Variants in PCDH11X observed in about 807,000 individuals in gnomAD.
PCDH11X encodes the protein protocadherin-11 X-linked.
In PCDH11X, 18 loss-of-function variants were observed where a neutral mutation model predicts 53.3. The ratio of observed to expected loss-of-function variants is 0.34; its 90% CI spans 0.23 to 0.50. The LOEUF (loss-of-function observed/expected upper bound fraction) is 0.50. PCDH11X is among the 20% of genes least tolerant of loss of function. The probability of loss-of-function intolerance (pLI) is 0.98; values close to 1 mark genes in which losing one functional copy is unlikely to be tolerated. For missense variants in PCDH11X, 570 were observed against 1,032.4 expected (o/e 0.55, Z 6.14); for synonymous variants, 279 against 393.3 (o/e 0.71, Z 3.44).
At chrX:91,924,078 A>C (rs2147824929) in intron 6 of PCDH11X, among the ~76,000 whole-genome samples, 1 of 110,017 alleles carries the variant, frequency 9.1e-6, no homozygotes, top group South Asian at 4.0e-4. Context: ...TAAAAAGAAT[A>C]ATTGCCTGCC....
intron 8 of PCDH11X, among the ~76,000 whole-genome samples, chrX:92,325,930 G>A (rs1307132232): frequency 2.3e-4 from 26 of 111,972 alleles, no homozygotes; most frequent in Non-Finnish European, 4.3e-4. Flanking sequence ...AATAATTGAT[G>A]TTACCTGCCA....
At chrX:91,857,465 A>G (rs1203779074) in intron 5 of PCDH11X, among the ~76,000 whole-genome samples, 12 of 111,472 alleles carry the variant, frequency 1.1e-4, no homozygotes, top group Non-Finnish European at 2.1e-4. Context: ...ACTTATTTCA[A>G]CATTAACTCA....
At position 91,956,657 on chromosome X, in the gene PCDH11X, C is replaced by T. The variant is rs541797916; in HGVS notation, c.3033+77384C>T. 1.2e-3 allele frequency among the ~76,000 whole-genome samples: 128 copies of T among 109,729 alleles called. 3 individuals carry two copies. The South Asian group carries it at 0.052, about 45-fold the overall frequency. On this transcript the variant is annotated intron_variant, in intron 6 of 10. Coordinates refer to ENST00000682573, the MANE Select transcript of PCDH11X (RefSeq NM_032968.5). ...TGATGGGTTTCCCTTTGTCAGTAAC[C>T]TGGCCTTTCTCTCTAGCTGCCCTTT...
intron 6 of PCDH11X, among the ~76,000 whole-genome samples, chrX:92,024,376 A>G (rs1287458583): frequency 3.6e-5 from 4 of 110,865 alleles, no homozygotes; most frequent in Non-Finnish European, 5.7e-5. Flanking sequence ...GACAACAGAC[A>G]AGCAGAGAGC....
chrX:92,359,005 C>T (rs951812385), intron 8 of PCDH11X, among the ~76,000 whole-genome samples: 8 of 108,912 alleles, frequency 7.3e-5, no homozygotes, highest in Non-Finnish European at 1.1e-4. Flanking sequence ...CTATAGTGTA[C>T]ATTTTCCCTG....
intron 6 of PCDH11X, among the ~76,000 whole-genome samples, chrX:91,932,020 C>T (rs946640791): frequency 3.6e-5 from 4 of 110,765 alleles, no homozygotes; most frequent in African/African-American, 9.9e-5. Flanking sequence ...TGTTGTTCCC[C>T]GCTCCATGTA....
chrX:92,443,125 G>A (rs1293020688), intron 9 of PCDH11X, among the ~76,000 whole-genome samples: 1 of 108,180 alleles, frequency 9.2e-6, no homozygotes, highest in Non-Finnish European at 1.9e-5. Flanking sequence ...TTGTGAGATA[G>A]AGATAGTATC....
At chrX:91,916,731 G>A (rs1490344510) in intron 6 of PCDH11X, among the ~76,000 whole-genome samples, 14 of 109,703 alleles carry the variant, frequency 1.3e-4, no homozygotes, top group South Asian at 3.9e-4. Context: ...GAATCCTATC[G>A]GACATTCAAA....
At position 92,523,716 on chromosome X, in the gene PCDH11X, C is replaced by A. The variant is rs754934179; in HGVS notation, c.3367+55394C>A. On this transcript the variant is annotated intron_variant, in intron 10 of 10. Coordinates refer to ENST00000682573, the MANE Select transcript of PCDH11X (RefSeq NM_032968.5). ...CACTTATCTTTTCTTTTAAAGACTT[C>A]CAGAGATAGAGGTTTTGCAGCAGTG... 6.3e-5 allele frequency among the ~76,000 whole-genome samples: 7 copies of A among 111,618 alleles called. No homozygotes were observed. In the East Asian group the frequency reaches 2.0e-3, roughly 32 times the overall value.
At chrX:92,303,564 A>T in intron 8 of PCDH11X, among the ~76,000 whole-genome samples, 1 of 111,333 alleles carries the variant, frequency 9.0e-6, no homozygotes, top group Non-Finnish European at 1.9e-5. Context: ...ATCTGACAAA[A>T]AACTGCTTAT....
chrX:91,895,246 G>A (rs1016344511), intron 6 of PCDH11X, among the ~76,000 whole-genome samples: 1 of 111,512 alleles, frequency 9.0e-6, no homozygotes, highest in African/African-American at 3.3e-5. Context: ...ACTGTGTGGA[G>A]AGTAAAGTTT....
At chrX:91,998,167 CAA>C (rs1164664565) in intron 6 of PCDH11X, among the ~76,000 whole-genome samples, 1 of 110,127 alleles carries the variant, frequency 9.1e-6, no homozygotes, top group Non-Finnish European at 1.9e-5. Context: ...CTCCTGACCT[CAA>C]GTGATCTGCC....
At chrX:92,107,349 C>T (rs2064406441) in intron 6 of PCDH11X, among the ~76,000 whole-genome samples, 2 of 112,157 alleles carry the variant, frequency 1.8e-5, no homozygotes, top group African/African-American at 6.5e-5. Context: ...CTGATTGAGA[C>T]CTGTTTCAGA....
intron 6 of PCDH11X, among the ~76,000 whole-genome samples, chrX:92,070,842 C>T (rs2063690527): frequency 9.0e-6 from 1 of 111,335 alleles, no homozygotes; most frequent in African/African-American, 3.3e-5. Flanking sequence ...CTCTGTTGCC[C>T]AGGCTGGAGT....
intron 10 of PCDH11X, among the ~76,000 whole-genome samples, chrX:92,536,388 A>G (rs1262326303): frequency 9.0e-6 from 1 of 110,508 alleles, no homozygotes; most frequent in African/African-American, 3.3e-5. Flanking sequence ...TTTAAATTCT[A>G]TTTCTGCCAT....
Position 92,212,601 on chromosome X carries a change from C to T in PCDH11X, c.3114+11146C>T, listed in dbSNP as rs776522314. ...CCGACATTAGGTGATCCACCCGCCT[C>T]GGCCTCCCAAAGTGCTTGGATTACA... is the stretch of plus-strand genomic sequence containing the variant. On this transcript the variant is annotated intron_variant, in intron 7 of 10. Transcript: ENST00000682573. Among the ~76,000 whole-genome samples, 9 of 111,762 alleles carry T rather than the reference C, an allele frequency of 8.1e-5. No individual in the cohort carries two copies. In the South Asian group the frequency reaches 2.2e-3, roughly 27 times the overall value.
intron 8 of PCDH11X, among the ~76,000 whole-genome samples, chrX:92,347,594 C>G (rs1352124872): frequency 9.0e-6 from 1 of 111,632 alleles, no homozygotes; most frequent in South Asian, 3.7e-4. Context: ...CATTTATACC[C>G]AGGTTTATGT....
At chrX:92,483,756 A>T (rs1013041704) in intron 10 of PCDH11X, among the ~76,000 whole-genome samples, 4 of 106,549 alleles carry the variant, frequency 3.8e-5, no homozygotes, top group Non-Finnish European at 7.7e-5. Flanking sequence ...TATTTATAAA[A>T]TTATGTCCAA....
At chrX:91,780,453 TA>T (rs907548767) in intron 1 of PCDH11X, among the ~76,000 whole-genome samples, 18 of 112,192 alleles carry the variant, frequency 1.6e-4, no homozygotes, top group African/African-American at 4.2e-4. Flanking sequence ...TTTTCTCATT[TA>T]AAAAAAATGA....
Sources: gnomAD v4.1 joint callset for allele counts (sites outside exome capture counted in the v4.1 genomes callset) on GRCh38, gnomAD v4.1.1 for gene constraint, MANE v1.5 for transcripts, NCBI Gene and HGNC (gene_info 2026-07-23, HGNC 2026-07-21) for gene names.